Variants in ZNF438 observed in about 807,000 individuals in gnomAD.
ZNF438 encodes zinc finger protein 438.
A neutral mutation model predicts 38.0 loss-of-function variants in ZNF438; 25 were observed. The observed-to-expected ratio is 0.66, with a 90% CI of 0.48 to 0.92. The LOEUF is 0.92. ZNF438 is among the 40% of genes least tolerant of loss of function. The pLI is 0.00. For synonymous variants in ZNF438, 372 were observed against 364.1 expected (o/e 1.02, Z -0.25); for missense variants, 1,007 against 999.6 (o/e 1.01, Z -0.10).
chr10:30,994,306 C>G (rs566846471), intron 1 of ZNF438, among the ~76,000 whole-genome samples: 1 of 152,118 alleles, frequency 6.6e-6, no homozygotes, highest in Non-Finnish European at 1.5e-5. Flanking sequence ...AAAGGTTCAC[C>G]GTATTGGAAA....
intron 4 of ZNF438, among the ~76,000 whole-genome samples, chr10:30,863,769 C>T (rs917486216): frequency 2.6e-5 from 4 of 152,158 alleles, no homozygotes; most frequent in African/African-American, 7.2e-5. Context: ...CATCCACACG[C>T]ACTCCCCTCA....
chr10:30,996,552 G>A lies in ZNF438; in HGVS notation c.-192+35281C>T, dbSNP rs149224277. Among the ~76,000 whole-genome samples, 256 of 152,072 alleles carry A rather than the reference G, an allele frequency of 1.7e-3. 2 individuals carry two copies. The highest frequency in any genetic ancestry group is 5.3e-3 in the African/African-American group (222 of 41,504). On this transcript the variant is annotated intron_variant, in intron 1 of 5. Transcript: ENST00000413025. ...AGGTATAACAATTAGAAGCATATAT[G>A]CACTTAACAAGAGAAGGAAGAAAAG...
At chr10:30,898,902 T>C (rs953938636) in intron 3 of ZNF438, among the ~76,000 whole-genome samples, 1 of 152,194 alleles carries the variant, frequency 6.6e-6, no homozygotes, top group African/African-American at 2.4e-5. Context: ...CTCAATACTT[T>C]TTCTAAACTC....
intron 1 of ZNF438, among the ~76,000 whole-genome samples, chr10:30,991,999 A>G (rs1276727764): frequency 1.3e-5 from 2 of 152,212 alleles, no homozygotes; most frequent in African/African-American, 4.8e-5. Context: ...GCAGTTTACT[A>G]GACTGTGGGC....
intron 3 of ZNF438, among the ~76,000 whole-genome samples, chr10:30,900,233 T>C (rs1356893518): frequency 4.6e-5 from 7 of 152,212 alleles, no homozygotes; most frequent in Admixed American, 3.3e-4. Context: ...TTGTTTTTTT[T>C]CAACAATTTA....
intron 2 of ZNF438, among the ~76,000 whole-genome samples, chr10:30,938,522 C>T (rs758260193): frequency 6.6e-5 from 10 of 151,862 alleles, no homozygotes; most frequent in Non-Finnish European, 1.0e-4. Flanking sequence ...GTGATCTGCC[C>T]GCCTTGGCCT....
chr10:30,850,148 G>A, exon 5 of ZNF438: 1 of 1,614,132 alleles, frequency 6.2e-7, no homozygotes, highest in Non-Finnish European at 8.5e-7. Flanking sequence ...CTCCTGGCCA[G>A]CAACCTGCAT....
chr10:30,849,834 T>C, exon 5 of ZNF438: 2 of 1,614,122 alleles, frequency 1.2e-6, no homozygotes, highest in Non-Finnish European at 1.7e-6. Flanking sequence ...AGCGCAGCTG[T>C]GCTAATGCTG....
At chr10:30,917,807 T>C (rs1197216292) in intron 2 of ZNF438, among the ~76,000 whole-genome samples, 1 of 152,190 alleles carries the variant, frequency 6.6e-6, no homozygotes, top group African/African-American at 2.4e-5. Context: ...TTTGGTTTTT[T>C]CAATGAAGTC....
intron 1 of ZNF438, among the ~76,000 whole-genome samples, chr10:30,998,272 G>T (rs2132715269): frequency 6.6e-6 from 1 of 152,122 alleles, no homozygotes; most frequent in South Asian, 2.1e-4. Flanking sequence ...TGGGCGCAGT[G>T]GCTCATGCCT....
chr10:30,869,368 C>T (rs11008295), intron 4 of ZNF438, among the ~76,000 whole-genome samples: 88,746 of 151,420 alleles, frequency 0.59, 26,234 homozygotes, highest in African/African-American at 0.62. Flanking sequence ...GAGCTAAACT[C>T]CGTCTCAAAA....
rs953280190 is a variant in ZNF438, at chr10:31,031,128, G to A, written c.-192+705C>T. On this transcript the variant is annotated intron_variant, in intron 1 of 5. Transcript: ENST00000413025. ...GAATCAGATGGAGGGAAGGTTGTCG[G>A]GGGGAGGCAAAACAGTGAAAAAGTT... Among the ~76,000 whole-genome samples, 4 of 152,304 alleles carry A rather than the reference G, an allele frequency of 2.6e-5. No individual in the cohort carries two copies. In the East Asian group the frequency reaches 5.8e-4, roughly 22 times the overall value.
At chr10:31,024,583 G>C (rs902990730) in intron 1 of ZNF438, among the ~76,000 whole-genome samples, 1 of 151,910 alleles carries the variant, frequency 6.6e-6, no homozygotes, top group Non-Finnish European at 1.5e-5. Flanking sequence ...AGCCAAGATC[G>C]CGCCACTGCG....
chr10:30,941,183 T>C (rs1231811394), intron 2 of ZNF438, among the ~76,000 whole-genome samples: 1 of 152,176 alleles, frequency 6.6e-6, no homozygotes, highest in Non-Finnish European at 1.5e-5. Flanking sequence ...GCAACTCTCC[T>C]GTCTCAGCCT....
chr10:30,958,011 A>G (rs546539136), intron 1 of ZNF438, among the ~76,000 whole-genome samples: 1 of 146,832 alleles, frequency 6.8e-6, no homozygotes, highest in African/African-American at 2.4e-5. Flanking sequence ...GTATAATTTG[A>G]AGTCAGGTAG....
chr10:30,923,033 A>T (rs75641444), intron 2 of ZNF438, among the ~76,000 whole-genome samples: 12,650 of 152,232 alleles, frequency 0.083, 599 homozygotes, highest in Non-Finnish European at 0.11. Context: ...CTCCAAACTG[A>T]GAAAGTGATA....
At chr10:31,010,974 T>A (rs967841779) in intron 1 of ZNF438, among the ~76,000 whole-genome samples, 21 of 150,328 alleles carry the variant, frequency 1.4e-4, no homozygotes, top group African/African-American at 4.7e-4. Context: ...TAGAACTATG[T>A]TAACTTTTAC....
At chr10:30,926,091 T>C (rs1413123500) in intron 2 of ZNF438, among the ~76,000 whole-genome samples, 2 of 152,180 alleles carry the variant, frequency 1.3e-5, no homozygotes, top group Non-Finnish European at 2.9e-5. Flanking sequence ...AACTAATCTT[T>C]GGTGATTGAA....
At chr10:30,903,386 T>G (rs549625167) in intron 3 of ZNF438, among the ~76,000 whole-genome samples, 1 of 152,144 alleles carries the variant, frequency 6.6e-6, no homozygotes, top group African/African-American at 2.4e-5. Flanking sequence ...CACCATCACT[T>G]CTACATAACT....
Sources: allele counts gnomAD v4.1 joint callset (sites outside exome capture counted in the v4.1 genomes callset), GRCh38; gene constraint gnomAD v4.1.1; transcripts MANE v1.5; gene names NCBI Gene and HGNC (gene_info 2026-07-23, HGNC 2026-07-21).